Variants in VAV2 observed in about 807,000 individuals in gnomAD.
VAV2 encodes the protein guanine nucleotide exchange factor VAV2.
Under a neutral mutation model 132.5 loss-of-function variants are expected in VAV2, and 67 were observed. The observed-to-expected ratio is 0.51, with a 90% CI of 0.42 to 0.62. The LOEUF (loss-of-function observed/expected upper bound fraction) is 0.62, where lower values mean the gene tolerates loss of function less well. VAV2 is among the 20% of genes least tolerant of loss of function. The pLI, the probability that VAV2 is intolerant of heterozygous loss-of-function variation, is 0.00. For synonymous variants in VAV2, 492 were observed against 443.5 expected, an observed-to-expected ratio of 1.11 and a Z score of -1.37; for missense variants, 938 against 1,153.6, an observed-to-expected ratio of 0.81 and a Z score of 2.71.
At chr9:133,923,701 T>C (rs1301952050) in intron 2 of VAV2, among the ~76,000 whole-genome samples, 6 of 152,204 alleles carry the variant, frequency 3.9e-5, no homozygotes, top group Non-Finnish European at 8.8e-5. Context: ...TGTATATTTA[T>C]TGCGGCACTA....
intron 2 of VAV2, among the ~76,000 whole-genome samples, chr9:133,881,616 C>G (rs537060711): frequency 1.3e-5 from 2 of 152,220 alleles, no homozygotes; most frequent in Non-Finnish European, 2.9e-5. Flanking sequence ...GTGGGCCTGG[C>G]AGCCAGCCAC....
At chr9:133,943,205 G>C (rs752841385) in intron 1 of VAV2, among the ~76,000 whole-genome samples, 1 of 152,186 alleles carries the variant, frequency 6.6e-6, no homozygotes, top group African/African-American at 2.4e-5. Flanking sequence ...TGGTTTGCAA[G>C]GTCTGTGGTC....
chr9:133,769,490 G>C lies in VAV2; in HGVS notation c.2361C>G (p.Ser787=). The stretch of plus-strand genomic sequence containing the variant: ...GAGGACTGAGAAAAGAAAAGTTGTA[G>C]GAAGCACAGGAAGCTGCAAAGAGGC... ...ASSRSPASCA[S]YNFSFLSPQG... Residue 787 remains serine (S), a synonymous_variant, in exon 28 of 30, where the codon TCC becomes TCG. Transcript: ENST00000371850. The surrounding 1 kb of genome is among the most constrained non-coding windows in gnomAD (Gnocchi z 8.1). 1 of 1,612,116 alleles carries C rather than the reference G, an allele frequency of 6.2e-7. No homozygotes were observed. The highest frequency in any genetic ancestry group is 2.2e-5 in the East Asian group (1 of 44,842).
At chr9:133,938,503 CGGCT>C (rs1235931164) in intron 2 of VAV2, among the ~76,000 whole-genome samples, 1 of 32,626 alleles carries the variant, frequency 3.1e-5, no homozygotes, top group Non-Finnish European at 1.7e-4. Flanking sequence ...TGCACCAGCC[CGGCT>C]CCTGCATGCA....
chr9:133,780,080 A>G, intron 20 of VAV2, 141 bp from the exon 21 acceptor site: 1 of 1,151,012 alleles, frequency 8.7e-7, no homozygotes, highest in Non-Finnish European at 1.3e-6. Context: ...GGAGAGGGAC[A>G]CTGTTCCCTA....
rs140742089 is a variant in VAV2, at chr9:133,790,807, T to C, written c.1188+976A>G. Among the ~76,000 whole-genome samples, 462 of 152,264 alleles carry C rather than the reference T, an allele frequency of 3.0e-3. 1 individual carries two copies. Among genetic ancestry groups the C allele is most frequent in the African/African-American group, 0.01 (422 of 41,548 alleles). On this transcript the variant is annotated intron_variant, in intron 13 of 29. Transcript: ENST00000371850. ...CCCACGTTCGCGGAGGGCATTCTCT[T>C]TGTGCTGCTGGCACCGGGTGGGTGT...
chr9:133,973,800 C>T lies in VAV2; in HGVS notation c.204+18275G>A, dbSNP rs533801690. ...CCCCCATCATGAGAAAGGACACCTG[C>T]GTGTCCCTAAAGAGGAAGACAAAAT... On this transcript the variant is annotated intron_variant, in intron 1 of 29. Coordinates refer to ENST00000371850, the MANE Select transcript of VAV2 (RefSeq NM_001134398.2). 5.3e-5 allele frequency among the ~76,000 whole-genome samples: 8 copies of T among 152,284 alleles called. No individual in the cohort carries two copies. The South Asian group carries it at 8.3e-4, about 16-fold the overall frequency.
chr9:133,875,670 T>C (rs550798920), intron 2 of VAV2, among the ~76,000 whole-genome samples: 1 of 152,322 alleles, frequency 6.6e-6, no homozygotes, highest in South Asian at 2.1e-4. Context: ...CAGGACCTGC[T>C]GAGAAACACC....
intron 1 of VAV2, among the ~76,000 whole-genome samples, chr9:133,945,340 G>T (rs1841321141): frequency 6.6e-6 from 1 of 152,218 alleles, no homozygotes; most frequent in Admixed American, 6.5e-5. Flanking sequence ...TTGAGGGGCA[G>T]GCCCCACCCA....
At position 133,789,245 on chromosome 9, in the gene VAV2, G is replaced by C. The variant is rs757628718; in HGVS notation, c.1274+13C>G. 2.5e-6 allele frequency: 4 copies of C among 1,613,590 alleles called. No homozygotes were observed. The Admixed American group carries it at 5.0e-5, about 20-fold the overall frequency. Reference sequence around the variant, plus strand: ...CGGGACGCCACCCAGCCCACAACACGCGCCCTGCTCACCTGTCCTGCTTGG... The same window carrying C: ...CGGGACGCCACCCAGCCCACAACACCCGCCCTGCTCACCTGTCCTGCTTGG... On this transcript the variant is annotated intron_variant, in intron 14 of 29. Transcript: ENST00000371850.
In VAV2 at chr9:133,883,985, A is replaced by G. The variant is rs542562992; in HGVS notation, c.322-22553T>C. The stretch of plus-strand genomic sequence containing the variant: ...CCCGTCTCTACTAAAATACAAAAAA[A>G]TTAGCTGGGCACGGTGGCGCACACC... On this transcript the variant is annotated intron_variant, in intron 2 of 29. Transcript: ENST00000371850. The surrounding 1 kb of genome is among the most constrained non-coding windows in gnomAD (Gnocchi z 4.2). 3.3e-5 allele frequency among the ~76,000 whole-genome samples: 5 copies of G among 152,204 alleles called. No homozygotes were observed. The East Asian group carries it at 9.7e-4, about 29-fold the overall frequency.
At chr9:133,945,243 T>A (rs577049916) in intron 1 of VAV2, among the ~76,000 whole-genome samples, 1 of 152,310 alleles carries the variant, frequency 6.6e-6, no homozygotes, top group African/African-American at 2.4e-5. Context: ...TTTTTTCTTT[T>A]TTAAAATGAC....
In VAV2 at chr9:133,992,123, G is replaced by A. The variant is rs1409381510; in HGVS notation, c.156C>T (p.Pro52=). Residue 52 remains proline, a synonymous_variant, in exon 1 of 30, where the codon CCC becomes CCT. Transcript: ENST00000371850. This position sits in a 1 kb window ranked among gnomAD's most constrained non-coding sequence, Gnocchi z 5.5. ...TGATGTCCTTGAGGTCGATGGAGCC[G>A]GGGGAGAGGTTGTGCAGCAGCTGGC... The part of the protein sequence containing the change: ...LLCQLLHNLS[P]GSIDLKDINF... The A allele has an allele frequency of 1.9e-6, 3 of 1,591,638 alleles. No homozygotes were observed. The highest frequency in any genetic ancestry group is 1.7e-6 in the Non-Finnish European group (2 of 1,169,670).
In VAV2 at chr9:133,822,348, G is replaced by GC. The variant is rs1835823953; in HGVS notation, c.450-10133_450-10132insG. ...TAGGAAACCGAGTCGGATGTTTCCTGACCTCCGTCCACACCTCAGGGTGCT... is the reference window on the plus strand; with the variant it reads ...TAGGAAACCGAGTCGGATGTTTCCTGCACCTCCGTCCACACCTCAGGGTGCT... On this transcript the variant is annotated intron_variant, in intron 4 of 29. Coordinates refer to ENST00000371850, the MANE Select transcript of VAV2 (RefSeq NM_001134398.2). Among the ~76,000 whole-genome samples the GC allele has an allele frequency of 3.3e-5, 5 of 152,188 alleles. No individual in the cohort carries two copies. In the South Asian group the frequency reaches 1.0e-3, roughly 31 times the overall value.
At chr9:133,889,186 A>G (rs1448565043) in intron 2 of VAV2, among the ~76,000 whole-genome samples, 1 of 152,006 alleles carries the variant, frequency 6.6e-6, no homozygotes, top group Admixed American at 6.5e-5. Flanking sequence ...ATACCAGATG[A>G]CCCCAGACAA....
chr9:133,894,234 C>T (rs1003459218), intron 2 of VAV2, among the ~76,000 whole-genome samples: 18 of 152,250 alleles, frequency 1.2e-4, no homozygotes, highest in African/African-American at 4.1e-4. Flanking sequence ...CCACCCTTTC[C>T]CAAGGATGGG....
At chr9:133,860,267 A>G (rs1190827060) in intron 3 of VAV2, among the ~76,000 whole-genome samples, 2 of 151,242 alleles carry the variant, frequency 1.3e-5, no homozygotes, top group Non-Finnish European at 2.9e-5. Context: ...GCGCCACTGC[A>G]CTCCAGCCTG....
rs148137374 is a variant in VAV2 at position 133,785,457 on chromosome 9, C to T, written c.1532+319G>A. On this transcript the variant is annotated intron_variant, in intron 17 of 29. Coordinates refer to ENST00000371850, the MANE Select transcript of VAV2 (RefSeq NM_001134398.2). Reference sequence around the variant, plus strand: ...CTCTGGCATCATGGCCACTCCCAGCCGGTCACTGCTCTGTGGGCCGGGCGT... The same window carrying T: ...CTCTGGCATCATGGCCACTCCCAGCTGGTCACTGCTCTGTGGGCCGGGCGT... Among the ~76,000 whole-genome samples, 621 of 152,334 alleles carry T rather than the reference C, an allele frequency of 4.1e-3. 1 individual carries two copies. Among genetic ancestry groups the T allele is most frequent in the Non-Finnish European group, 6.3e-3 (431 of 68,028 alleles).
At position 133,772,025 on chromosome 9, in the gene VAV2, G is replaced by A. The variant is rs1182895415; in HGVS notation, c.2157C>T (p.His719=). The change falls in exon 26 of 30, where the codon CAC becomes CAT. Residue 719 remains histidine (H), a synonymous_variant. Transcript: ENST00000371850. ...ISIKFNDEVK[H]IKVVEKDNWI... ...AGTTGTCCTTCTCCACCACCTTGAT[G>A]TGCTTCACCTCATCATTGAACCTGA... The A allele has an allele frequency of 7.1e-7, 1 of 1,405,246 alleles. No individual in the cohort carries two copies. The highest frequency in any genetic ancestry group is 9.6e-7 in the Non-Finnish European group (1 of 1,037,008). 87.0% of individuals were successfully genotyped at this position (1,405,246 alleles called of 1,614,324 possible).
Sources: allele counts gnomAD v4.1 joint callset (sites outside exome capture counted in the v4.1 genomes callset), GRCh38; gene constraint gnomAD v4.1.1; non-coding constraint Gnocchi (gnomAD v3.1); transcripts MANE v1.5; gene names NCBI Gene and HGNC (gene_info 2026-07-23, HGNC 2026-07-21).